Variants in GBP4 observed in about 807,000 individuals in gnomAD.
The protein encoded by GBP4 is guanylate-binding protein 4.
GBP4 carries 69 observed loss-of-function variants against 62.2 expected under a neutral mutation model. The ratio of observed to expected loss-of-function variants is 1.11; its 90% confidence interval spans 0.91 to 1.36. The LOEUF (loss-of-function observed/expected upper bound fraction) is 1.36. GBP4 is among the 40% of genes most tolerant of loss of function. The pLI is 0.00. For synonymous variants in GBP4, 278 were observed against 274.6 expected (o/e 1.01, Z -0.12); for missense variants, 697 against 759.3 (o/e 0.92, Z 0.96).
At position 89,188,915 on chromosome 1, in the gene GBP4, AAGAG is replaced by A. The variant is rs1648110210; in HGVS notation, c.1198-125_1198-122del. ...AGTGGACTGGGATATGGTGTAGACCAAGAGTCACAAGAATGATTTTGTTCCCAAC... is the reference window on the plus strand; with the variant it reads ...AGTGGACTGGGATATGGTGTAGACCATCACAAGAATGATTTTGTTCCCAAC... On this transcript the variant is annotated intron_variant, in intron 7 of 10. Coordinates refer to ENST00000355754, the MANE Select transcript of GBP4 (RefSeq NM_052941.5). 16 of 959,294 alleles carry A rather than the reference AAGAG, an allele frequency of 1.7e-5. No homozygotes were observed. In the South Asian group the frequency reaches 2.5e-4, roughly 15 times the overall value. 59.4% of individuals were successfully genotyped at this position (959,294 alleles called of 1,614,324 possible). A position where few individuals can be genotyped will look rare whatever the true frequency, so the allele number is the denominator to read the frequency against.
In GBP4 at chr1:89,191,515, T is replaced by A; in HGVS notation, c.671-9A>T. ...AATTTTGGGATTCTTGCCTGTGGAA[T>A]TGTAAAAAAGAGGGCTCATTGAAGA... On this transcript the variant is annotated splice_polypyrimidine_tract_variant and intron_variant, in intron 5 of 10. Coordinates refer to ENST00000355754, the MANE Select transcript of GBP4 (RefSeq NM_052941.5). 1 of 1,609,332 alleles carries A rather than the reference T, an allele frequency of 6.2e-7. No individual in the cohort carries two copies. The highest frequency in any genetic ancestry group is 1.1e-5 in the South Asian group (1 of 90,830).
At position 89,181,470 on chromosome 1, in the gene GBP4, G is replaced by A. The variant is rs1570369291; in HGVS notation, c.*3784C>T. 1 of 152,424 alleles carries A rather than the reference G, an allele frequency of 6.6e-6. No individual in the cohort carries two copies. Among genetic ancestry groups the A allele is most frequent in the African/African-American group, 2.4e-5 (1 of 41,362 alleles). The allele number at this position is 152,424 out of a possible 1,614,324, so 9.4% of individuals were successfully genotyped here. ...GGACGTATGTACATGCAGGTCACAGGGGATATGATGGCTTAGCTTGGGCTC... is the reference window on the plus strand; with the variant it reads ...GGACGTATGTACATGCAGGTCACAGAGGATATGATGGCTTAGCTTGGGCTC... On this transcript the variant is annotated 3_prime_UTR_variant, in exon 11 of 11. Transcript: ENST00000355754.
chr1:89,195,764 T>C (rs554522313), intron 2 of GBP4, among the ~76,000 whole-genome samples: 36 of 151,784 alleles, frequency 2.4e-4, no homozygotes, highest in African/African-American at 8.7e-4. Flanking sequence ...GTCTTAAAAG[T>C]CAGTAAGAAC....
At position 89,182,230 on chromosome 1, in the gene GBP4, G is replaced by A. The variant is rs181229794; in HGVS notation, c.*3024C>T. Reference sequence around the variant, plus strand: ...GAGAAGGAAGGGCTTTTTTCAGCTGGTGGCATCAGCAAGCTGCTGCCTTAA... The same window carrying A: ...GAGAAGGAAGGGCTTTTTTCAGCTGATGGCATCAGCAAGCTGCTGCCTTAA... On this transcript the variant is annotated 3_prime_UTR_variant, in exon 11 of 11. Coordinates refer to ENST00000355754, the MANE Select transcript of GBP4 (RefSeq NM_052941.5). 4.6e-5 allele frequency: 7 copies of A among 152,288 alleles called. No homozygotes were observed. In the South Asian group the frequency reaches 8.3e-4, roughly 18 times the overall value. 9.4% of individuals were successfully genotyped at this position (152,288 alleles called of 1,614,324 possible).
intron 7 of GBP4, among the ~76,000 whole-genome samples, chr1:89,189,483 T>C (rs886788945): frequency 3.9e-5 from 6 of 152,226 alleles, no homozygotes; most frequent in Non-Finnish European, 5.9e-5. Context: ...CCTATGAATA[T>C]GATAGATACT....
Position 89,190,189 on chromosome 1 carries a change from T to G in GBP4, c.1046A>C (p.Tyr349Ser). 1 of 1,614,194 alleles carries G rather than the reference T, an allele frequency of 6.2e-7. No homozygotes were observed. The highest frequency in any genetic ancestry group is 2.2e-5 in the East Asian group (1 of 44,878). ...PAAVQRAADH[Y>S]SQQMAQQLRL... The stretch of plus-strand genomic sequence containing the variant: ...CAGTTGCTGGGCCATCTGCTGGCTA[T>G]AGTGGTCGGCTGCCCTCTGCACAGC... Residue 349 changes from tyrosine to serine, a missense_variant, in exon 7 of 11, where the codon TAT (tyrosine) becomes TCT (serine). Physicochemically the swap from Tyr to Ser is moderately radical, Grantham distance 144. This residue lies in a region of GBP4 where 556 missense variants were observed against 562.7 expected (regional missense o/e 0.99). Transcript: ENST00000355754.
At position 89,191,449 on chromosome 1, in the gene GBP4, A is replaced by G; in HGVS notation, c.728T>C (p.Phe243Ser). ...AAAGACAAAGCACTTCCGTTTTCGG[A>G]AGAAATGCCTGATACACTCTCTAGG... is the stretch of plus-strand genomic sequence containing the variant. ...NMPRECIRHF[F>S]RKRKCFVFDR... The change falls in exon 6 of 11, where the codon TTC becomes TCC. Residue 243 changes from phenylalanine to serine, a missense_variant. Phe to Ser is a radical substitution (Grantham distance 155). Transcript: ENST00000355754. The G allele has an allele frequency of 3.7e-6, 6 of 1,614,184 alleles. No individual in the cohort carries two copies. Among genetic ancestry groups the G allele is most frequent in the Non-Finnish European group, 5.1e-6 (6 of 1,180,004 alleles).
chr1:89,196,248 G>A (rs911130632), intron 2 of GBP4, among the ~76,000 whole-genome samples: 3 of 152,162 alleles, frequency 2.0e-5, no homozygotes, highest in Non-Finnish European at 2.9e-5. Flanking sequence ...TAAATAATGG[G>A]TACACATAGT....
rs551457653 is a variant in GBP4, at chr1:89,186,525, C to G, written c.1515G>C (p.Ala505=). 6.2e-7 allele frequency: 1 copy of G among 1,613,526 alleles called. No homozygotes were observed. Among genetic ancestry groups the G allele is most frequent in the East Asian group, 2.2e-5 (1 of 44,866 alleles). The stretch of plus-strand genomic sequence containing the variant: ...CAGCTGCTTCCTTCATGGCCCGCTC[C>G]GCTATTCCACAAAGGTTTTAGAGAG... ...ALTAGEKAIA[A]ERAMKEAAEK... The change falls in exon 10 of 11, where the codon GCG becomes GCC. Residue 505 remains alanine (A), a splice_region_variant and synonymous_variant. Coordinates refer to ENST00000355754, the MANE Select transcript of GBP4 (RefSeq NM_052941.5).
chr1:89,188,897 T>G (rs1648110059), intron 7 of GBP4, 103 bp from the exon 8 acceptor site: 3 of 1,126,138 alleles, frequency 2.7e-6, no homozygotes, highest in Non-Finnish European at 4.0e-6. Context: ...CAGAGTGGAC[T>G]GGGATATGGT....
In GBP4 at chr1:89,181,449, G is replaced by GT. The variant is rs1647877021; in HGVS notation, c.*3804dup. 1 of 152,444 alleles carries GT rather than the reference G, an allele frequency of 6.6e-6. No individual in the cohort carries two copies. Among genetic ancestry groups the GT allele is most frequent in the Non-Finnish European group, 1.5e-5 (1 of 68,196 alleles). The allele number at this position is 152,444 out of a possible 1,614,324, so 9.4% of individuals were successfully genotyped here. A position where few individuals can be genotyped will look rare whatever the true frequency, so the allele number is the denominator to read the frequency against. ...TTCACTTGCTTCAGGCCATCTGGAC[G>GT]TATGTACATGCAGGTCACAGGGGAT... On this transcript the variant is annotated 3_prime_UTR_variant, in exon 11 of 11. Transcript: ENST00000355754.
At chr1:89,191,633 T>C in intron 5 of GBP4, 127 bp from the exon 6 acceptor site, 1 of 929,206 alleles carries the variant, frequency 1.1e-6, no homozygotes, top group Non-Finnish European at 1.6e-6. Context: ...TATGCAATCA[T>C]ACAAAACAGC....
chr1:89,184,119 A>T lies in GBP4; in HGVS notation c.*1135T>A, dbSNP rs548294106. On this transcript the variant is annotated 3_prime_UTR_variant, in exon 11 of 11. Transcript: ENST00000355754. ...TTTAAAAAGCATATAAAAATCACTC[A>T]TCATCACTAATCACTACAGAAATGC... The T allele has an allele frequency of 1.5e-4, 23 of 152,364 alleles. No homozygotes were observed. Among genetic ancestry groups the T allele is most frequent in the Admixed American group, 1.3e-3 (20 of 15,308 alleles). 9.4% of individuals were successfully genotyped at this position (152,364 alleles called of 1,614,324 possible). A position where few individuals can be genotyped will look rare whatever the true frequency, so the allele number is the denominator to read the frequency against.
chr1:89,185,895 G>T (rs1648022272), intron 10 of GBP4, among the ~76,000 whole-genome samples: 1 of 152,224 alleles, frequency 6.6e-6, no homozygotes, highest in African/African-American at 2.4e-5. Flanking sequence ...TGTATAGGAT[G>T]AATCAGGCAG....
rs1290629364 is a variant in GBP4 at position 89,181,282 on chromosome 1, T to G, written c.*3972A>C. Reference sequence around the variant, plus strand: ...AAGGAAAATTACAGTCAAAGGGGGTTGTTCTCTGGCGGGCAGAGGTGGGTG... The same window carrying G: ...AAGGAAAATTACAGTCAAAGGGGGTGGTTCTCTGGCGGGCAGAGGTGGGTG... On this transcript the variant is annotated 3_prime_UTR_variant, in exon 11 of 11. Transcript: ENST00000355754. The G allele has an allele frequency of 6.6e-6, 1 of 151,990 alleles. No homozygotes were observed. The highest frequency in any genetic ancestry group is 1.5e-5 in the Non-Finnish European group (1 of 67,992). The allele number at this position is 151,990 out of a possible 1,614,324, so 9.4% of individuals were successfully genotyped here. A position where few individuals can be genotyped will look rare whatever the true frequency, so the allele number is the denominator to read the frequency against.
chr1:89,197,526 C>G (rs922207202), intron 1 of GBP4, among the ~76,000 whole-genome samples: 1 of 152,050 alleles, frequency 6.6e-6, no homozygotes, highest in Non-Finnish European at 1.5e-5. Flanking sequence ...TTTAGCATGT[C>G]AAAGACTAGT....
chr1:89,186,576 G>C (rs375336443), intron 9 of GBP4, 50 bp from the exon 10 acceptor site: 5 of 1,537,366 alleles, frequency 3.3e-6, no homozygotes, highest in East Asian at 4.5e-5. Flanking sequence ...TTATTCCTGA[G>C]TTCTACCCTC....
At chr1:89,192,038 T>A (rs1028653960) in intron 5 of GBP4, among the ~76,000 whole-genome samples, 6 of 152,336 alleles carry the variant, frequency 3.9e-5, no homozygotes, top group African/African-American at 1.4e-4. Flanking sequence ...GTTTAGAGAT[T>A]CCTTTATCTG....
chr1:89,184,894 A>T lies in GBP4; in HGVS notation c.*360T>A. 5.9e-6 allele frequency: 1 copy of T among 168,296 alleles called. No homozygotes were observed. The highest frequency in any genetic ancestry group is 1.3e-5 in the Non-Finnish European group (1 of 79,434). 10.4% of individuals were successfully genotyped at this position (168,296 alleles called of 1,614,324 possible). A position where few individuals can be genotyped will look rare whatever the true frequency, so the allele number is the denominator to read the frequency against. ...AAAATTGTGGAGCTGCTCTCTTCTC[A>T]TTAATCGGCAAGAGCTAGTCATAAC... On this transcript the variant is annotated 3_prime_UTR_variant, in exon 11 of 11. Coordinates refer to ENST00000355754, the MANE Select transcript of GBP4 (RefSeq NM_052941.5).
Sources: gnomAD v4.1 joint callset for allele counts (sites outside exome capture counted in the v4.1 genomes callset) on GRCh38, gnomAD v4.1.1 for gene constraint, gnomAD v4.1.1 regional missense constraint, MANE v1.5 for transcripts, NCBI Gene and HGNC (gene_info 2026-07-23, HGNC 2026-07-21) for gene names.